The following TCN1 variants were observed in gnomAD, a reference collection of about 807,000 sequenced individuals.
The protein encoded by TCN1 is transcobalamin-1.
TCN1 carries 47 observed loss-of-function variants against 46.3 expected under a neutral mutation model. The ratio of observed to expected loss-of-function variants is 1.01; its 90% confidence interval spans 0.80 to 1.29. The LOEUF (loss-of-function observed/expected upper bound fraction) is 1.29. TCN1 is among the 50% of genes most tolerant of loss of function. The pLI is 0.00. For missense variants in TCN1, 532 were observed against 511.0 expected (o/e 1.04, Z -0.40); for synonymous variants, 183 against 192.5 (o/e 0.95, Z 0.41).
At chr11:59,861,113 A>G (rs907086939) in intron 4 of TCN1, among the ~76,000 whole-genome samples, 3 of 152,244 alleles carry the variant, frequency 2.0e-5, no homozygotes, top group African/African-American at 7.2e-5. Flanking sequence ...CTCTCGAGGT[A>G]TCCAAATTGT....
At chr11:59,861,438 C>G (rs1853012927) in intron 4 of TCN1, 89 bp downstream of exon 4, 28 of 1,412,344 alleles carry the variant, frequency 2.0e-5, no homozygotes, top group Non-Finnish European at 2.8e-5. Context: ...AAAATAAAAT[C>G]CAGGTACTTA....
chr11:59,856,305 T>G (rs1852937525), intron 5 of TCN1, among the ~76,000 whole-genome samples: 1 of 152,086 alleles, frequency 6.6e-6, no homozygotes, highest in Non-Finnish European at 1.5e-5. Context: ...CTATAATAGT[T>G]CCAATGAAGG....
intron 4 of TCN1, among the ~76,000 whole-genome samples, 158 bp from the exon 5 acceptor site, chr11:59,859,425 A>G (rs1401775029): frequency 6.6e-6 from 1 of 152,220 alleles, no homozygotes; most frequent in Non-Finnish European, 1.5e-5. Context: ...AAAGATTTCA[A>G]GATACAGCAA....
intron 4 of TCN1, among the ~76,000 whole-genome samples, chr11:59,860,691 G>T (rs1054223576): frequency 6.6e-6 from 1 of 152,140 alleles, no homozygotes; most frequent in Non-Finnish European, 1.5e-5. Context: ...ACTTTACAGA[G>T]TTGTTGCCCA....
intron 4 of TCN1, among the ~76,000 whole-genome samples, chr11:59,860,348 T>C (rs12269818): frequency 0.017 from 2,607 of 151,932 alleles, 70 homozygotes; most frequent in African/African-American, 0.06. Context: ...AGGCTGGTCT[T>C]GAACTCCCGA....
intron 6 of TCN1, 30 bp from the exon 7 acceptor site, chr11:59,854,865 A>G (rs748810672): frequency 6.2e-7 from 1 of 1,613,206 alleles, no homozygotes; most frequent in Non-Finnish European, 8.5e-7. Context: ...CCAGAGCAAT[A>G]TTCAGAAAAA....
At chr11:59,857,704 C>T (rs1013435367) in intron 5 of TCN1, among the ~76,000 whole-genome samples, 1 of 152,008 alleles carries the variant, frequency 6.6e-6, no homozygotes, top group African/African-American at 2.4e-5. Flanking sequence ...ATATCATCCC[C>T]TTAGAGTTTG....
At position 59,862,687 on chromosome 11, in the gene TCN1, T is replaced by C; in HGVS notation, c.295A>G (p.Ile99Val). The C allele has an allele frequency of 6.2e-7, 1 of 1,613,812 alleles. No homozygotes were observed. Among genetic ancestry groups the C allele is most frequent in the South Asian group, 1.1e-5 (1 of 91,078 alleles). The change falls in exon 3 of 9, where the codon ATA becomes GTA. Residue 99 changes from isoleucine (I) to valine (V), a missense_variant. Physicochemically the swap from Ile to Val is conservative, Grantham distance 29. Transcript: ENST00000257264. ...DVSSGELALIILALGVCRNAE... is the reference protein window; with the variant it reads ...DVSSGELALIVLALGVCRNAE... ...TTACGACATACTCCCAAAGCCAGTATAATCAAGGCAAGCTCTCCCGAGCTT... is the reference window on the plus strand; with the variant it reads ...TTACGACATACTCCCAAAGCCAGTACAATCAAGGCAAGCTCTCCCGAGCTT...
chr11:59,853,439 A>T, intron 7 of TCN1, 118 bp from the exon 8 acceptor site: 3 of 956,180 alleles, frequency 3.1e-6, no homozygotes, highest in Middle Eastern at 2.1e-4. Flanking sequence ...AAAAATGCAG[A>T]TTTCCTGGCC....
intron 4 of TCN1, among the ~76,000 whole-genome samples, chr11:59,859,751 T>G (rs1429620845): frequency 6.6e-6 from 1 of 152,174 alleles, no homozygotes; most frequent in Non-Finnish European, 1.5e-5. Context: ...TAGAGAGTGG[T>G]GTCTTGTATG....
At chr11:59,853,784 A>C (rs1256963285) in intron 7 of TCN1, among the ~76,000 whole-genome samples, 1 of 152,216 alleles carries the variant, frequency 6.6e-6, no homozygotes, top group South Asian at 2.1e-4. Flanking sequence ...TGTTTATTAA[A>C]AAGTGACAGG....
At chr11:59,854,547 C>G in intron 7 of TCN1, 105 bp downstream of exon 7, 1 of 1,252,044 alleles carries the variant, frequency 8.0e-7, no homozygotes, top group South Asian at 1.2e-5. Flanking sequence ...AGCTACTGAC[C>G]CAGAAGCATT....
rs548414311 is a variant in TCN1, at chr11:59,856,489, A to G, written c.748-431T>C. On this transcript the variant is annotated intron_variant, in intron 5 of 8. Coordinates refer to ENST00000257264, the MANE Select transcript of TCN1 (RefSeq NM_001062.4). ...GAGGAGAGGAGCTCACAAACATTTA[A>G]TGAAGCTAAAAAAAAAAAAGCTTCC... Among the ~76,000 whole-genome samples, 6 of 152,118 alleles carry G rather than the reference A, an allele frequency of 3.9e-5. No homozygotes were observed. The East Asian group carries it at 9.7e-4, about 25-fold the overall frequency.
At chr11:59,861,703 C>G (rs780007458) in intron 3 of TCN1, 21 bp from the exon 4 acceptor site, 6 of 1,612,858 alleles carry the variant, frequency 3.7e-6, no homozygotes, top group Non-Finnish European at 5.1e-6. Context: ...GAAGAAATAC[C>G]TCCCTTAATC....
rs767049262 is a variant in TCN1 at position 59,853,337 on chromosome 11, A to C, written c.1122-16T>G. Reference sequence around the variant, plus strand: ...CATTGTGAAACTGTGGGTGACAGCAAGTAGGTTACTGGAACTTAGAATTGT... The same window carrying C: ...CATTGTGAAACTGTGGGTGACAGCACGTAGGTTACTGGAACTTAGAATTGT... On this transcript the variant is annotated splice_polypyrimidine_tract_variant and intron_variant, in intron 7 of 8. Coordinates refer to ENST00000257264, the MANE Select transcript of TCN1 (RefSeq NM_001062.4). 5 of 1,608,532 alleles carry C rather than the reference A, an allele frequency of 3.1e-6. No individual in the cohort carries two copies. The highest frequency in any genetic ancestry group is 4.3e-6 in the Non-Finnish European group (5 of 1,174,974).
chr11:59,853,143 C>T (rs1328278026), intron 8 of TCN1, 60 bp downstream of exon 8: 5 of 1,599,598 alleles, frequency 3.1e-6, no homozygotes, highest in Non-Finnish European at 4.3e-6. Context: ...CACAGAGGCT[C>T]ACACCCCTCT....
chr11:59,861,383 C>A, intron 4 of TCN1, 144 bp downstream of exon 4: 2 of 912,928 alleles, frequency 2.2e-6, no homozygotes, highest in Non-Finnish European at 3.6e-6. Flanking sequence ...CCATTCTTCT[C>A]AAAAAGAAAA....
intron 5 of TCN1, among the ~76,000 whole-genome samples, chr11:59,856,406 AAGG>A (rs1852938793): frequency 6.6e-6 from 1 of 152,142 alleles, no homozygotes; most frequent in Non-Finnish European, 1.5e-5. Flanking sequence ...ACTACTGTAA[AAGG>A]AGTTGCCAGA....
intron 7 of TCN1, among the ~76,000 whole-genome samples, chr11:59,854,125 C>T (rs762705281): frequency 6.6e-6 from 1 of 151,386 alleles, no homozygotes; most frequent in Non-Finnish European, 1.5e-5. Flanking sequence ...TTGGCAGTGG[C>T]TCATGCCTGT....
Sources: gnomAD v4.1 joint callset for allele counts (sites outside exome capture counted in the v4.1 genomes callset) on GRCh38, gnomAD v4.1.1 for gene constraint, MANE v1.5 for transcripts, NCBI Gene and HGNC (gene_info 2026-07-23, HGNC 2026-07-21) for gene names.